Variants in BCAT1 observed in about 807,000 individuals in gnomAD.
The protein encoded by BCAT1 is branched-chain-amino-acid aminotransferase, cytosolic.
In BCAT1, 48 loss-of-function variants were observed where a neutral mutation model predicts 52.4. That is an observed-to-expected ratio of 0.92 (90% CI 0.73 to 1.16). The LOEUF is 1.16. Ranked by LOEUF, BCAT1 falls within the 50% of genes most tolerant of loss-of-function variation. BCAT1 has a pLI of 0.00. For missense variants in BCAT1, 451 were observed against 457.1 expected (o/e 0.99, Z 0.12); for synonymous variants, 167 against 161.3 (o/e 1.04, Z -0.27).
intron 7 of BCAT1, 145 bp downstream of exon 7, chr12:24,841,937 T>C: frequency 1.1e-6 from 1 of 870,352 alleles, no homozygotes; most frequent in Admixed American, 3.0e-5. Context: ...AACTTGTGTC[T>C]ATTTGGGCAG....
chr12:24,910,344 T>C (rs1470112094), intron 1 of BCAT1, among the ~76,000 whole-genome samples: 1 of 151,700 alleles, frequency 6.6e-6, no homozygotes, highest in African/African-American at 2.4e-5. Context: ...GCCGCTGCAC[T>C]CCAGCCTGGG....
intron 9 of BCAT1, 88 bp from the exon 10 acceptor site, chr12:24,829,985 A>T: frequency 3.2e-6 from 3 of 936,118 alleles, no homozygotes; most frequent in Non-Finnish European, 4.8e-6. Context: ...CTGCTATACT[A>T]AGGCAATTCC....
chr12:24,841,581 A>G (rs1941173361), intron 7 of BCAT1, among the ~76,000 whole-genome samples: 1 of 152,182 alleles, frequency 6.6e-6, no homozygotes, highest in Admixed American at 6.5e-5. Context: ...ACAAAAAACG[A>G]AAAACAAAAA....
In BCAT1 at chr12:24,817,904, T is replaced by C. The variant is rs138071978; in HGVS notation, c.*104A>G. 3.3e-6 allele frequency: 4 copies of C among 1,210,544 alleles called. No individual in the cohort carries two copies. The highest frequency in any genetic ancestry group is 2.6e-5 in the South Asian group (2 of 78,256). The allele number at this position is 1,210,544 out of a possible 1,614,324, so 75.0% of individuals were successfully genotyped here. ...CACATTGATACTACAAACTACATTA[T>C]GCACAGGTAGCCAAAGAAATCTATC... On this transcript the variant is annotated 3_prime_UTR_variant, in exon 11 of 11. Transcript: ENST00000261192.
rs1939685467 is a variant in BCAT1, at chr12:24,811,630, T to C, written c.*6378A>G. The C allele has an allele frequency of 6.6e-6, 1 of 152,180 alleles. No homozygotes were observed. Among genetic ancestry groups the C allele is most frequent in the African/African-American group, 2.4e-5 (1 of 41,454 alleles). 9.4% of individuals were successfully genotyped at this position (152,180 alleles called of 1,614,324 possible). A position where few individuals can be genotyped will look rare whatever the true frequency, so the allele number is the denominator to read the frequency against. On this transcript the variant is annotated 3_prime_UTR_variant, in exon 11 of 11. Coordinates refer to ENST00000261192, the MANE Select transcript of BCAT1 (RefSeq NM_005504.7). ...TTCCACATTTCCATTATTACACTTT[T>C]AGTGAGCTAAAATCCTTTTAACATA...
intron 7 of BCAT1, among the ~76,000 whole-genome samples, chr12:24,837,112 A>G (rs1941005597): frequency 1.4e-5 from 1 of 70,828 alleles, no homozygotes; most frequent in African/African-American, 4.3e-5. Flanking sequence ...AGGAAGAAAG[A>G]GAAGGAAGGG....
intron 5 of BCAT1, among the ~76,000 whole-genome samples, chr12:24,877,098 G>A (rs570259320): frequency 2.6e-5 from 4 of 152,236 alleles, no homozygotes; most frequent in East Asian, 1.9e-4. Flanking sequence ...CACGGCTTTC[G>A]AAAGGTATCA....
intron 1 of BCAT1, among the ~76,000 whole-genome samples, chr12:24,933,104 C>T (rs1284955913): frequency 6.9e-6 from 1 of 145,736 alleles, no homozygotes; most frequent in East Asian, 2.0e-4. Flanking sequence ...GCCACCACGC[C>T]TGGCCTTTTT....
intron 1 of BCAT1, among the ~76,000 whole-genome samples, chr12:24,942,961 T>C (rs749614407): frequency 4.6e-5 from 7 of 152,222 alleles, no homozygotes; most frequent in Admixed American, 1.3e-4. Flanking sequence ...AGATTTTCAA[T>C]ATTCAAATGG....
chr12:24,928,554 C>A (rs1391175668), intron 1 of BCAT1, among the ~76,000 whole-genome samples: 2 of 147,334 alleles, frequency 1.4e-5, no homozygotes, highest in Non-Finnish European at 3.0e-5. Flanking sequence ...GTGGTAGGAT[C>A]ACTTGAGCCC....
At chr12:24,921,509 C>T (rs1351949134) in intron 1 of BCAT1, among the ~76,000 whole-genome samples, 2 of 152,192 alleles carry the variant, frequency 1.3e-5, no homozygotes, top group Non-Finnish European at 2.9e-5. Flanking sequence ...GCTATGGAAA[C>T]TCTTTTTCAC....
chr12:24,849,047 CCTT>C (rs1197148734), intron 6 of BCAT1, among the ~76,000 whole-genome samples: 5 of 152,206 alleles, frequency 3.3e-5, no homozygotes, highest in Non-Finnish European at 7.3e-5. Context: ...CATGGAGTCA[CCTT>C]CTAGGACAGC....
At chr12:24,837,028 GAAAGAAAGAAAAAAGA>G (rs1183728759) in intron 7 of BCAT1, among the ~76,000 whole-genome samples, 1 of 105,364 alleles carries the variant, frequency 9.5e-6, no homozygotes, top group Non-Finnish European at 2.0e-5. Context: ...AAAAAAGAAA[GAAAGAAAGAAAAAAGA>G]AAAGAAAAGA....
chr12:24,869,870 T>C (rs1942132079), intron 5 of BCAT1, among the ~76,000 whole-genome samples: 2 of 152,230 alleles, frequency 1.3e-5, no homozygotes, highest in Admixed American at 1.3e-4. Context: ...CTTTAAATTG[T>C]ATGTTTATAG....
At position 24,816,235 on chromosome 12, in the gene BCAT1, A is replaced by T; in HGVS notation, c.*1773T>A. ...AAGCCCATTTTCTATGTGTTGCTAA[A>T]TGCCTCAAGGAAATTTTTCCAATGC... is the stretch of plus-strand genomic sequence containing the variant. On this transcript the variant is annotated 3_prime_UTR_variant, in exon 11 of 11. Coordinates refer to ENST00000261192, the MANE Select transcript of BCAT1 (RefSeq NM_005504.7). The T allele has an allele frequency of 3.0e-6, 1 of 336,160 alleles. No individual in the cohort carries two copies. Among genetic ancestry groups the T allele is most frequent in the Non-Finnish European group, 5.3e-6 (1 of 187,702 alleles). 20.8% of individuals were successfully genotyped at this position (336,160 alleles called of 1,614,324 possible). A position where few individuals can be genotyped will look rare whatever the true frequency, so the allele number is the denominator to read the frequency against.
intron 1 of BCAT1, among the ~76,000 whole-genome samples, chr12:24,910,429 T>C (rs988355049): frequency 6.6e-6 from 1 of 150,716 alleles, no homozygotes; most frequent in African/African-American, 2.4e-5. Context: ...AAATAAATTA[T>C]TGTTTTAAGG....
intron 5 of BCAT1, among the ~76,000 whole-genome samples, chr12:24,874,034 G>A (rs1466571549): frequency 6.6e-6 from 1 of 152,124 alleles, no homozygotes; most frequent in African/African-American, 2.4e-5. Flanking sequence ...AATGAAGGAG[G>A]CCGGGCATGG....
chr12:24,828,091 C>G (rs1317575786), intron 10 of BCAT1, among the ~76,000 whole-genome samples: 1 of 152,160 alleles, frequency 6.6e-6, no homozygotes, highest in Non-Finnish European at 1.5e-5. Context: ...ACCTCCATTG[C>G]TCTCTGGAGG....
chr12:24,819,158 C>T (rs936068604), intron 10 of BCAT1, among the ~76,000 whole-genome samples: 2 of 151,976 alleles, frequency 1.3e-5, no homozygotes, highest in African/African-American at 4.8e-5. Flanking sequence ...TGTTCTTGAC[C>T]ACCACCAAGA....
Sources: gnomAD v4.1 joint callset for allele counts (sites outside exome capture counted in the v4.1 genomes callset) on GRCh38, gnomAD v4.1.1 for gene constraint, MANE v1.5 for transcripts, NCBI Gene and HGNC (gene_info 2026-07-23, HGNC 2026-07-21) for gene names.